The following MYO9A variants were observed in gnomAD, a reference collection of about 807,000 sequenced individuals.
The protein encoded by MYO9A is unconventional myosin-IXa.
In MYO9A, 103 loss-of-function variants were observed where a neutral mutation model predicts 293.3. The observed-to-expected ratio is 0.35, with a 90% CI of 0.30 to 0.41. The LOEUF is 0.41. Among genes scored for constraint, MYO9A ranks in the 10% least tolerant of loss-of-function variants. The probability of loss-of-function intolerance (pLI) is 1.00; values close to 1 mark genes in which losing one functional copy is unlikely to be tolerated. For missense variants in MYO9A, 2,685 were observed against 3,033.0 expected, an observed-to-expected ratio of 0.89 and a Z score of 2.69; for synonymous variants, 1,001 against 1,035.7, an observed-to-expected ratio of 0.97 and a Z score of 0.64.
At chr15:71,956,350 T>TATATAA (rs1475961500) in intron 14 of MYO9A, among the ~76,000 whole-genome samples, 21 of 121,146 alleles carry the variant, frequency 1.7e-4, no homozygotes, top group East Asian at 1.4e-3. Flanking sequence ...TATATATATA[T>TATATAA]AAAATACGCC....
At chr15:72,015,618 G>C (rs1229879076) in intron 6 of MYO9A, among the ~76,000 whole-genome samples, 1 of 151,612 alleles carries the variant, frequency 6.6e-6, no homozygotes, top group Non-Finnish European at 1.5e-5. Context: ...AAAATTCATG[G>C]CTCAGATAAA....
In MYO9A at chr15:71,933,565, C is replaced by T. The variant is rs562701994; in HGVS notation, c.2562+105G>A. ...AAGTGCACGATCACTATCTTGGATA[C>T]AAATAAGGTTATTTCTTGTTTTTTG... On this transcript the variant is annotated intron_variant, in intron 18 of 41. Coordinates refer to ENST00000356056, the MANE Select transcript of MYO9A (RefSeq NM_006901.4). The T allele has an allele frequency of 2.8e-6, 3 of 1,068,924 alleles. No individual in the cohort carries two copies. In the East Asian group the frequency reaches 7.3e-5, roughly 26 times the overall value. The allele number at this position is 1,068,924 out of a possible 1,614,324, so 66.2% of individuals were successfully genotyped here.
Position 71,852,226 on chromosome 15 carries a change from T to G in MYO9A, c.6381A>C (p.Ile2127=), listed in dbSNP as rs1225402082. The change falls in exon 36 of 42, where the codon ATA becomes ATC. Residue 2127 remains isoleucine, a synonymous_variant. Coordinates refer to ENST00000356056, the MANE Select transcript of MYO9A (RefSeq NM_006901.4). ...AESVNLDDYN[I]HVIASVFKQW... ...GTTTGAATACACTTGCAATGACGTGTATGTTATAGTCATCTAGATTTACAC... is the reference window on the plus strand; with the variant it reads ...GTTTGAATACACTTGCAATGACGTGGATGTTATAGTCATCTAGATTTACAC... 6.2e-7 allele frequency: 1 copy of G among 1,613,148 alleles called. No homozygotes were observed. Among genetic ancestry groups the G allele is most frequent in the Non-Finnish European group, 8.5e-7 (1 of 1,179,256 alleles).
chr15:71,843,444 A>G (rs952982829), intron 39 of MYO9A, among the ~76,000 whole-genome samples: 9 of 152,272 alleles, frequency 5.9e-5, no homozygotes, highest in African/African-American at 1.9e-4. Context: ...AATAAAGTAA[A>G]TAAATAAATA....
intron 15 of MYO9A, among the ~76,000 whole-genome samples, chr15:71,941,234 G>A (rs1022008585): frequency 2.0e-5 from 3 of 152,014 alleles, no homozygotes; most frequent in East Asian, 1.9e-4. Context: ...TCAGGAGTTC[G>A]AGGCCAGCCT....
Position 71,826,947 on chromosome 15 carries a change from T to G in MYO9A, c.7280A>C (p.Asp2427Ala). The G allele has an allele frequency of 1.2e-6, 2 of 1,614,068 alleles. No individual in the cohort carries two copies. The highest frequency in any genetic ancestry group is 1.7e-4 in the Middle Eastern group (1 of 6,060). Reference protein sequence around the residue: ...KQLKKQQDSLDVVDSSVSSLC... With the variant: ...KQLKKQQDSLAVVDSSVSSLC... ...AGAGGAGACCGAAGAGTCCACGACA[T>G]CTAAAGAGTCTTGCTGCTTTTTAAG... The change falls in exon 42 of 42, where the codon GAT (aspartate) becomes GCT (alanine). Residue 2427 changes from aspartate to alanine, a missense_variant. Physicochemically the swap from Asp to Ala is moderately radical, Grantham distance 126 (BLOSUM62 -2). Around this residue, in one of 10 missense-constraint regions of MYO9A, gnomAD observed 350 missense variants for 328.9 expected, o/e 1.06. Transcript: ENST00000356056.
chr15:71,996,637 GCCTTGCTTCCCA>G (rs2148561335), intron 9 of MYO9A, among the ~76,000 whole-genome samples: 1 of 151,960 alleles, frequency 6.6e-6, no homozygotes, highest in African/African-American at 2.4e-5. Flanking sequence ...TCCTTTGTTT[GCCTTGCTTCCCA>G]TTATTCAAGT....
rs1178953969 is a variant in MYO9A at position 71,898,412 on chromosome 15, C to T, written c.4091G>A (p.Ser1364Asn). 1.2e-6 allele frequency: 2 copies of T among 1,613,656 alleles called. No homozygotes were observed. The highest frequency in any genetic ancestry group is 4.5e-5 in the East Asian group (2 of 44,904). Reference protein sequence around the residue: ...LQFPSPKISSSPKFDSRDNAL... With the variant: ...LQFPSPKISSNPKFDSRDNAL... ...ATTGTCCCGTGAATCAAATTTTGGA[C>T]TGCTGGATATCTTAGGTGATGGAAA... The change falls in exon 25 of 42, where the codon AGT becomes AAT. Residue 1364 changes from serine to asparagine, a missense_variant. Transcript: ENST00000356056.
intron 1 of MYO9A, among the ~76,000 whole-genome samples, chr15:72,063,200 G>A (rs562553760): frequency 1.4e-4 from 22 of 152,330 alleles, no homozygotes; most frequent in African/African-American, 5.1e-4. Flanking sequence ...TCCATATGCA[G>A]AAGGGAGAAA....
At chr15:72,085,238 CA>C (rs1323384533) in intron 1 of MYO9A, among the ~76,000 whole-genome samples, 1 of 152,016 alleles carries the variant, frequency 6.6e-6, no homozygotes, top group East Asian at 1.9e-4. Flanking sequence ...ACTAAAAATA[CA>C]AAAATTAGCT....
intron 1 of MYO9A, among the ~76,000 whole-genome samples, chr15:72,078,429 C>A (rs182306767): frequency 6.6e-6 from 1 of 152,056 alleles, no homozygotes; most frequent in South Asian, 2.1e-4. Context: ...AAGATAGAGG[C>A]TAGAGTGAGC....
chr15:71,988,919 G>T (rs2957746), intron 11 of MYO9A, among the ~76,000 whole-genome samples: 210 of 151,940 alleles, frequency 1.4e-3, no homozygotes, highest in African/African-American at 4.5e-3. Flanking sequence ...TTTTGAGATA[G>T]AGTCTCACTC....
chr15:72,013,712 T>TG (rs2077240493), intron 6 of MYO9A, among the ~76,000 whole-genome samples: 1 of 152,204 alleles, frequency 6.6e-6, no homozygotes, highest in Admixed American at 6.5e-5. Flanking sequence ...TTAGTGTGGG[T>TG]GTGAGGGAGA....
At chr15:72,041,107 T>TAGATCTA in intron 2 of MYO9A, 1 of 546,154 alleles carries the variant, frequency 1.8e-6, no homozygotes, top group Admixed American at 2.2e-5. Flanking sequence ...TAGCCAGGTG[T>TAGATCTA]GGTGGTACAT....
intron 15 of MYO9A, among the ~76,000 whole-genome samples, chr15:71,947,961 T>C (rs938918005): frequency 1.3e-5 from 2 of 152,234 alleles, no homozygotes; most frequent in Admixed American, 1.3e-4. Flanking sequence ...ACTTCAATTT[T>C]TCCTCACTCC....
At chr15:72,076,483 A>G (rs1026175356) in intron 1 of MYO9A, among the ~76,000 whole-genome samples, 1 of 152,172 alleles carries the variant, frequency 6.6e-6, no homozygotes, top group African/African-American at 2.4e-5. Flanking sequence ...GGAAAATGAC[A>G]TTTTTAAATA....
intron 12 of MYO9A, among the ~76,000 whole-genome samples, chr15:71,969,413 A>G (rs1319891547): frequency 6.6e-6 from 1 of 152,224 alleles, no homozygotes; most frequent in Non-Finnish European, 1.5e-5. Context: ...TCAAGTCACC[A>G]AAGCATATTA....
intron 39 of MYO9A, 80 bp downstream of exon 39, chr15:71,848,765 T>C: frequency 1.4e-6 from 2 of 1,476,164 alleles, no homozygotes; most frequent in Non-Finnish European, 1.8e-6. Flanking sequence ...CTGATAATAA[T>C]CCTTGTATAC....
At chr15:71,938,253 A>G (rs2058687727) in intron 16 of MYO9A, among the ~76,000 whole-genome samples, 1 of 152,114 alleles carries the variant, frequency 6.6e-6, no homozygotes, top group Non-Finnish European at 1.5e-5. Flanking sequence ...AGGAAGCTCA[A>G]TTTTTTGATG....
Sources: allele counts gnomAD v4.1 joint callset (sites outside exome capture counted in the v4.1 genomes callset), GRCh38; gene constraint gnomAD v4.1.1; regional missense constraint gnomAD v4.1.1; transcripts MANE v1.5; gene names NCBI Gene and HGNC (gene_info 2026-07-23, HGNC 2026-07-21).